Variants in CACNB2 observed in about 807,000 individuals in gnomAD.
The protein encoded by CACNB2 is calcium voltage-gated channel auxiliary subunit beta 2, also known as voltage-dependent L-type calcium channel subunit beta-2.
A neutral mutation model predicts 73.3 loss-of-function variants in CACNB2; 42 were observed. That is an observed-to-expected ratio of 0.57 (90% CI 0.45 to 0.74). The LOEUF is 0.74. CACNB2 is among the 30% of genes least tolerant of loss of function. The pLI is 0.00. For synonymous variants in CACNB2, 348 were observed against 310.3 expected, an observed-to-expected ratio of 1.12 and a Z score of -1.28; for missense variants, 940 against 853.0, an observed-to-expected ratio of 1.10 and a Z score of -1.27.
intron 3 of CACNB2, among the ~76,000 whole-genome samples, chr10:18,460,223 TGGC>T (rs1455286088): frequency 6.6e-6 from 1 of 152,158 alleles, no homozygotes; most frequent in African/African-American, 2.4e-5. Flanking sequence ...TCTTTGTTTG[TGGC>T]TGTCAGTAGA....
chr10:18,192,289 T>G (rs74120242), intron 2 of CACNB2, among the ~76,000 whole-genome samples: 2,700 of 152,144 alleles, frequency 0.018, 85 homozygotes, highest in African/African-American at 0.062. Context: ...CATTCATTCA[T>G]GTATTATAAT....
At chr10:18,388,701 A>G (rs921841620) in intron 2 of CACNB2, among the ~76,000 whole-genome samples, 1 of 152,222 alleles carries the variant, frequency 6.6e-6, no homozygotes, top group Non-Finnish European at 1.5e-5. Flanking sequence ...TTAAGCAATC[A>G]TAGGAGAAAA....
At chr10:18,426,972 T>TTTTTTTTTTTA (rs2045633795) in intron 3 of CACNB2, among the ~76,000 whole-genome samples, 2 of 148,504 alleles carry the variant, frequency 1.3e-5, no homozygotes, top group Non-Finnish European at 1.5e-5. Flanking sequence ...TTTTTTTTTT[T>TTTTTTTTTTTA]GAGACTGAGT....
At chr10:18,309,604 C>T (rs182433550) in intron 2 of CACNB2, among the ~76,000 whole-genome samples, 251 of 152,128 alleles carry the variant, frequency 1.6e-3, no homozygotes, top group Middle Eastern at 6.8e-3. Context: ...ATTACAGTCC[C>T]GCGCCACCAT....
chr10:18,211,885 A>G (rs1372022010), intron 2 of CACNB2, among the ~76,000 whole-genome samples: 1 of 151,624 alleles, frequency 6.6e-6, no homozygotes, highest in East Asian at 1.9e-4. Flanking sequence ...TCTCCCCATT[A>G]CCAACAATGA....
chr10:18,398,162 A>G (rs2043810004), intron 2 of CACNB2, among the ~76,000 whole-genome samples: 1 of 152,238 alleles, frequency 6.6e-6, no homozygotes. Flanking sequence ...TTAATTAGAT[A>G]TATCACTTCT....
At position 18,541,164 on chromosome 10, in the gene CACNB2, C is replaced by T. The variant is rs534367824; in HGVS notation, c.*1440C>T. ...CTGTTGTTTGTTTACCTCCCAGTTA[C>T]CTACCATTCCTCCCCACCACCGACT... On this transcript the variant is annotated 3_prime_UTR_variant, in exon 14 of 14. Transcript: ENST00000324631. The T allele has an allele frequency of 6.5e-6, 1 of 152,836 alleles. No homozygotes were observed. The highest frequency in any genetic ancestry group is 2.1e-4 in the South Asian group (1 of 4,818). The allele number at this position is 152,836 out of a possible 1,614,324, so 9.5% of individuals were successfully genotyped here.
intron 2 of CACNB2, among the ~76,000 whole-genome samples, chr10:18,248,059 G>A (rs1438344311): frequency 1.3e-5 from 2 of 152,170 alleles, no homozygotes; most frequent in African/African-American, 2.4e-5. Flanking sequence ...TCACATTGGT[G>A]ATTAGGTTGC....
intron 1 of CACNB2, among the ~76,000 whole-genome samples, chr10:18,149,213 CTTTAT>C (rs1334120094): frequency 6.6e-6 from 1 of 151,996 alleles, no homozygotes; most frequent in African/African-American, 2.4e-5. Context: ...GATTTTCATA[CTTTAT>C]TTTAGCCTTC....
intron 2 of CACNB2, among the ~76,000 whole-genome samples, chr10:18,178,073 G>A (rs1450070082): frequency 6.6e-6 from 1 of 152,020 alleles, no homozygotes; most frequent in Admixed American, 6.6e-5. Flanking sequence ...CTCATATCTC[G>A]GTTTTGCATT....
chr10:18,510,497 T>G (rs1344996887), intron 6 of CACNB2, among the ~76,000 whole-genome samples: 1 of 152,036 alleles, frequency 6.6e-6, no homozygotes, highest in East Asian at 1.9e-4. Context: ...GAGACAGGAT[T>G]TTACCATGTT....
intron 7 of CACNB2, chr10:18,514,661 C>A: frequency 9.5e-7 from 1 of 1,054,066 alleles, no homozygotes; most frequent in South Asian, 1.3e-5. Context: ...TGAGTTCATG[C>A]ATTTCAAACC....
intron 2 of CACNB2, among the ~76,000 whole-genome samples, chr10:18,267,343 C>T (rs1381806211): frequency 6.6e-6 from 1 of 152,140 alleles, no homozygotes; most frequent in Non-Finnish European, 1.5e-5. Flanking sequence ...TGGTGGCTCG[C>T]TCCTGTAATC....
intron 1 of CACNB2, chr10:18,141,343 GGA>G (rs2030379961): frequency 1.2e-6 from 1 of 861,664 alleles, no homozygotes. Flanking sequence ...GGGCAGGAGG[GGA>G]GCGAATATGG....
intron 2 of CACNB2, among the ~76,000 whole-genome samples, chr10:18,154,809 C>T (rs1233404708): frequency 6.6e-6 from 1 of 152,132 alleles, no homozygotes; most frequent in Non-Finnish European, 1.5e-5. Context: ...AGGTTGCATG[C>T]ACACAGAGAA....
intron 2 of CACNB2, among the ~76,000 whole-genome samples, chr10:18,237,271 T>C (rs1011655454): frequency 2.0e-5 from 3 of 152,220 alleles, no homozygotes; most frequent in African/African-American, 7.2e-5. Flanking sequence ...ATAAAGAGGT[T>C]TTAAAGATAT....
At chr10:18,534,372 T>G in intron 11 of CACNB2, 145 bp downstream of exon 11, 1 of 759,744 alleles carries the variant, frequency 1.3e-6, no homozygotes, top group Middle Eastern at 3.7e-4. Context: ...ATTTTTAAAT[T>G]GATATAGTTT....
intron 2 of CACNB2, among the ~76,000 whole-genome samples, chr10:18,330,577 G>C (rs2040759986): frequency 6.6e-6 from 1 of 152,176 alleles, no homozygotes; most frequent in Non-Finnish European, 1.5e-5. Flanking sequence ...GAGCCCAAGA[G>C]GTTGAAGCTA....
At chr10:18,283,378 T>C (rs927323910) in intron 2 of CACNB2, among the ~76,000 whole-genome samples, 3 of 152,098 alleles carry the variant, frequency 2.0e-5, no homozygotes, top group Non-Finnish European at 4.4e-5. Flanking sequence ...CAGGTATATT[T>C]ATTGCAGCAC....
Sources: gnomAD v4.1 joint callset for allele counts (sites outside exome capture counted in the v4.1 genomes callset) on GRCh38, gnomAD v4.1.1 for gene constraint, MANE v1.5 for transcripts, NCBI Gene and HGNC (gene_info 2026-07-23, HGNC 2026-07-21) for gene names.